UNC13C: variants seen among roughly 807,000 people sequenced by gnomAD.
UNC13C encodes the protein unc-13 homolog C.
A neutral mutation model predicts 245.4 loss-of-function variants in UNC13C; 174 were observed. That is an observed-to-expected ratio of 0.71 (90% CI 0.63 to 0.80). UNC13C has a LOEUF of 0.80. Among genes scored for constraint, UNC13C ranks in the 30% least tolerant of loss-of-function variants. UNC13C has a pLI of 0.00. For synonymous variants in UNC13C, 992 were observed against 895.1 expected, an observed-to-expected ratio of 1.11 and a Z score of -1.93; for missense variants, 2,829 against 2,602.9, an observed-to-expected ratio of 1.09 and a Z score of -1.89.
intron 28 of UNC13C, among the ~76,000 whole-genome samples, chr15:54,552,972 T>C (rs1413738470): frequency 9.9e-6 from 1 of 100,640 alleles, no homozygotes; most frequent in Non-Finnish European, 1.8e-5. Context: ...TTACAATATA[T>C]ATTATATATT....
At position 54,111,503 on chromosome 15, in the gene UNC13C, G is replaced by T. The variant is rs563167171; in HGVS notation, c.2984-31515G>T. Among the ~76,000 whole-genome samples, 3 of 152,264 alleles carry T rather than the reference G, an allele frequency of 2.0e-5. No homozygotes were observed. In the East Asian group the frequency reaches 5.8e-4, roughly 29 times the overall value. ...GTGGAGGCAGAATCCTAGATGTGAA[G>T]ACCTTGCCTCAGCCCCTGAAGCCTC... On this transcript the variant is annotated intron_variant, in intron 2 of 32. Transcript: ENST00000260323.
chr15:53,933,892 A>G, the UNC13C span, among the ~76,000 whole-genome samples: 47,732 of 152,114 alleles, frequency 0.31, 7,636 homozygotes, highest in Non-Finnish European at 0.33. Context: ...CATTGCTATA[A>G]CAAAATACCT....
intron 10 of UNC13C, among the ~76,000 whole-genome samples, chr15:54,273,030 C>A (rs2036727715): frequency 6.6e-6 from 1 of 152,110 alleles, no homozygotes; most frequent in African/African-American, 2.4e-5. Flanking sequence ...TAAAATCTCC[C>A]AGATCTTTAG....
the UNC13C span, among the ~76,000 whole-genome samples, chr15:53,924,354 G>C: frequency 6.6e-6 from 1 of 152,180 alleles, no homozygotes; most frequent in Non-Finnish European, 1.5e-5. Context: ...TTGAGATTCA[G>C]CTCTTCATTT....
chr15:54,147,789 C>CGTGTGTGTGTGTGTGT (rs56353727), intron 4 of UNC13C, among the ~76,000 whole-genome samples: 10,650 of 147,418 alleles, frequency 0.072, 505 homozygotes, highest in Non-Finnish European at 0.09. Context: ...AAGGTGTGTG[C>CGTGTGTGTGTGTGTGT]GTGTGTGTGT....
intron 4 of UNC13C, among the ~76,000 whole-genome samples, chr15:54,147,568 C>T (rs1275550713): frequency 6.6e-6 from 1 of 152,136 alleles, no homozygotes; most frequent in Non-Finnish European, 1.5e-5. Flanking sequence ...ACATGAGTAC[C>T]TTCTCCAAAT....
At chr15:54,438,914 G>A (rs1890369803) in intron 19 of UNC13C, among the ~76,000 whole-genome samples, 1 of 151,874 alleles carries the variant, frequency 6.6e-6, no homozygotes, top group African/African-American at 2.4e-5. Flanking sequence ...TCAATACCTT[G>A]TGTTGTTTGT....
chr15:54,601,406 G>A (rs1036046397), intron 30 of UNC13C, among the ~76,000 whole-genome samples: 1 of 152,158 alleles, frequency 6.6e-6, no homozygotes, highest in African/African-American at 2.4e-5. Flanking sequence ...AGAGGAGAAG[G>A]AGAGCACTTG....
intron 30 of UNC13C, among the ~76,000 whole-genome samples, chr15:54,587,801 T>C (rs1385679335): frequency 6.6e-6 from 1 of 152,230 alleles, no homozygotes; most frequent in Non-Finnish European, 1.5e-5. Context: ...CTTTTTACTT[T>C]ATTCAGTCAA....
At position 54,322,477 on chromosome 15, in the gene UNC13C, T is replaced by C. The variant is rs185010801; in HGVS notation, c.4425+382T>C. Among the ~76,000 whole-genome samples the C allele has an allele frequency of 3.3e-5, 5 of 152,124 alleles. No homozygotes were observed. In the East Asian group the frequency reaches 7.8e-4, roughly 24 times the overall value. On this transcript the variant is annotated intron_variant, in intron 14 of 32. Transcript: ENST00000260323. ...GAGCTTGGCTGCCATCTCTGGAACA[T>C]ATTAGGCTCCATTTGCACTTCCTAT...
At chr15:53,937,399 C>T in the UNC13C span, among the ~76,000 whole-genome samples, 1 of 152,086 alleles carries the variant, frequency 6.6e-6, no homozygotes, top group Non-Finnish European at 1.5e-5. Flanking sequence ...AAGACTGAAC[C>T]TATGACTAAT....
At chr15:54,588,451 T>C (rs1177754009) in intron 30 of UNC13C, among the ~76,000 whole-genome samples, 1 of 152,186 alleles carries the variant, frequency 6.6e-6, no homozygotes, top group Non-Finnish European at 1.5e-5. Flanking sequence ...TAAATCAATA[T>C]ATGTAAACCT....
At chr15:54,238,903 TG>T (rs1204687103) in intron 7 of UNC13C, among the ~76,000 whole-genome samples, 6 of 152,220 alleles carry the variant, frequency 3.9e-5, no homozygotes, top group Non-Finnish European at 7.3e-5. Flanking sequence ...CATACAGTGA[TG>T]GGGTCTCATT....
chr15:54,311,176 A>T (rs1297001042), intron 13 of UNC13C, among the ~76,000 whole-genome samples: 1 of 151,744 alleles, frequency 6.6e-6, no homozygotes, highest in Non-Finnish European at 1.5e-5. Context: ...ATTTTGCAAA[A>T]TCAGTATCAA....
chr15:54,246,413 G>GTTTT (rs11383240), intron 7 of UNC13C, among the ~76,000 whole-genome samples: 146 of 144,902 alleles, frequency 1.0e-3, no homozygotes, highest in African/African-American at 1.6e-3. Context: ...TGAAAATAAT[G>GTTTT]TTTTTTTTTT....
chr15:54,250,519 C>A, intron 8 of UNC13C, 75 bp downstream of exon 8: 1 of 1,366,132 alleles, frequency 7.3e-7, no homozygotes, highest in Non-Finnish European at 9.9e-7. Flanking sequence ...TAGATCACTT[C>A]AACTCTTGCT....
At chr15:54,178,892 A>G (rs929398611) in intron 4 of UNC13C, among the ~76,000 whole-genome samples, 17 of 152,156 alleles carry the variant, frequency 1.1e-4, no homozygotes, top group African/African-American at 3.9e-4. Flanking sequence ...CCTCAAACAC[A>G]TAGTTTATCA....
intron 7 of UNC13C, among the ~76,000 whole-genome samples, chr15:54,238,962 C>T (rs567993450): frequency 2.6e-4 from 39 of 152,220 alleles, no homozygotes; most frequent in Non-Finnish European, 3.2e-4. Flanking sequence ...TGGGTGAAAG[C>T]GATTTTTAAA....
the UNC13C span, among the ~76,000 whole-genome samples, chr15:53,932,811 A>G: frequency 1.3e-5 from 2 of 152,214 alleles, no homozygotes; most frequent in Non-Finnish European, 2.9e-5. Flanking sequence ...GGCCTAGGTC[A>G]AATCTCTTTT....
Sources: gnomAD v4.1 joint callset for allele counts (sites outside exome capture counted in the v4.1 genomes callset) on GRCh38, gnomAD v4.1.1 for gene constraint, MANE v1.5 for transcripts, NCBI Gene and HGNC (gene_info 2026-07-23, HGNC 2026-07-21) for gene names.